The following POLR3E variants were observed in gnomAD, a reference collection of about 807,000 sequenced individuals.
POLR3E encodes the protein DNA-directed RNA polymerase III subunit RPC5.
In POLR3E, 41 loss-of-function variants were observed where a neutral mutation model predicts 96.6. The observed-to-expected ratio is 0.42, with a 90% confidence interval of 0.33 to 0.55. The LOEUF is 0.55. Ranked by LOEUF, POLR3E falls within the 20% of genes least tolerant of loss-of-function variation. The pLI is 0.06. For synonymous variants in POLR3E, 396 were observed against 383.6 expected (o/e 1.03, Z -0.38); for missense variants, 849 against 952.1 (o/e 0.89, Z 1.43).
At position 22,324,511 on chromosome 16, in the gene POLR3E, C is replaced by A. The variant is rs763052521; in HGVS notation, c.1137C>A (p.Ala379=). Residue 379 remains alanine (A), a synonymous_variant, in exon 16 of 21, where the codon GCC becomes GCA. Coordinates refer to ENST00000299853, the MANE Select transcript of POLR3E (RefSeq NM_018119.4). The part of the protein sequence containing the change: ...KEVATVTKLC[A]EDVKDFLEHM... ...GGCCCCCTCCCCTCCAGCTCTGCGC[C>A]GAGGATGTGAAGGACTTCCTGGAGC... is the stretch of plus-strand genomic sequence containing the variant. 2 of 1,611,660 alleles carry A rather than the reference C, an allele frequency of 1.2e-6. No homozygotes were observed. Among genetic ancestry groups the A allele is most frequent in the Middle Eastern group, 1.7e-4 (1 of 6,058 alleles).
chr16:22,321,577 G>C (rs1043997444), intron 13 of POLR3E, among the ~76,000 whole-genome samples: 1 of 152,222 alleles, frequency 6.6e-6, no homozygotes, highest in Non-Finnish European at 1.5e-5. Context: ...AGCCAAGAGG[G>C]GTCCTCCCGT....
intron 6 of POLR3E, among the ~76,000 whole-genome samples, chr16:22,312,932 A>G (rs2048278745): frequency 6.6e-6 from 1 of 152,072 alleles, no homozygotes; most frequent in African/African-American, 2.4e-5. Flanking sequence ...CTCAAAAGCA[A>G]TGAACGAAAC....
intron 13 of POLR3E, among the ~76,000 whole-genome samples, chr16:22,321,841 C>A (rs1256547398): frequency 6.6e-6 from 1 of 152,204 alleles, no homozygotes; most frequent in Non-Finnish European, 1.5e-5. Context: ...TGCTGCTGCC[C>A]ATGCTGCCAT....
intron 6 of POLR3E, among the ~76,000 whole-genome samples, chr16:22,311,000 C>G (rs1010449741): frequency 2.0e-5 from 3 of 152,208 alleles, no homozygotes; most frequent in Admixed American, 2.0e-4. Context: ...GAGTCTCACT[C>G]TGTTGCCCAA....
chr16:22,299,092 G>A (rs1162296796), intron 1 of POLR3E: 1 of 455,248 alleles, frequency 2.2e-6, no homozygotes, highest in African/African-American at 2.0e-5. Flanking sequence ...ATGTGGTAGG[G>A]CCTGGGAGGA....
At chr16:22,308,018 T>C in intron 3 of POLR3E, 130 bp from the exon 4 acceptor site, 1 of 680,426 alleles carries the variant, frequency 1.5e-6, no homozygotes, top group Non-Finnish European at 2.7e-6. Flanking sequence ...GGGCAGCTTG[T>C]ACCCTTGTGG....
intron 14 of POLR3E, among the ~76,000 whole-genome samples, chr16:22,323,662 T>A (rs902648588): frequency 1.3e-5 from 2 of 152,086 alleles, no homozygotes; most frequent in Non-Finnish European, 2.9e-5. Context: ...CCGAGCAGCA[T>A]CTTTGCTCCT....
At chr16:22,305,763 G>T (rs1567309522) in intron 3 of POLR3E, among the ~76,000 whole-genome samples, 1 of 152,322 alleles carries the variant, frequency 6.6e-6, no homozygotes, top group East Asian at 1.9e-4. Flanking sequence ...CCTTGCTGCT[G>T]GGCCAGCAGC....
rs2048414927 is a variant in POLR3E, at chr16:22,318,938, G to T, written c.978G>T (p.Val326=). ...KVAMLVQGNW[V]VKSDILYPKD... Reference sequence around the variant, plus strand: ...CGATGTTGGTCCAAGGGAACTGGGTGGTGAAGAGGTAAGTTGCTTTTTTTA... The same window carrying T: ...CGATGTTGGTCCAAGGGAACTGGGTTGTGAAGAGGTAAGTTGCTTTTTTTA... Residue 326 remains valine, a synonymous_variant, in exon 13 of 21, where the codon GTG becomes GTT. Transcript: ENST00000299853. The surrounding 1 kb of genome is among the most constrained non-coding windows in gnomAD (Gnocchi z 5.0). The T allele has an allele frequency of 6.2e-7, 1 of 1,604,754 alleles. No homozygotes were observed. The highest frequency in any genetic ancestry group is 1.3e-5 in the African/African-American group (1 of 74,226).
intron 6 of POLR3E, 30 bp downstream of exon 6, chr16:22,309,540 G>C (rs1567312949): frequency 3.5e-6 from 5 of 1,445,350 alleles, no homozygotes; most frequent in Middle Eastern, 1.8e-4. Flanking sequence ...CCGCGGTGGG[G>C]ACATGGCATT....
chr16:22,333,674 T>G lies in POLR3E; in HGVS notation c.2101T>G (p.Tyr701Asp). The G allele has an allele frequency of 6.2e-7, 1 of 1,611,510 alleles. No individual in the cohort carries two copies. Among genetic ancestry groups the G allele is most frequent in the Non-Finnish European group, 8.5e-7 (1 of 1,177,576 alleles). ...DCCVSYGGMW[Y>D]LKGTVQS is the part of the protein sequence containing the mutation. Reference sequence around the variant, plus strand: ...CTGTGTAAGCTATGGTGGCATGTGGTACCTTAAAGGGACAGTACAGTCTTG... The same window carrying G: ...CTGTGTAAGCTATGGTGGCATGTGGGACCTTAAAGGGACAGTACAGTCTTG... Residue 701 changes from tyrosine (Y) to aspartate (D), a missense_variant, in exon 21 of 21, where the codon TAC becomes GAC. By Grantham distance (160) the Tyr-to-Asp change is radical. Transcript: ENST00000299853.
In POLR3E at chr16:22,334,767, C is replaced by T. The variant is rs1028577044; in HGVS notation, c.*1067C>T. The T allele has an allele frequency of 1.3e-5, 2 of 152,136 alleles. No homozygotes were observed. The highest frequency in any genetic ancestry group is 2.9e-5 in the Non-Finnish European group (2 of 68,026). The allele number at this position is 152,136 out of a possible 1,614,324, so 9.4% of individuals were successfully genotyped here. ...CGATGCCACATGGGGCTATTTGCGA[C>T]AGTATTGGATAGCACAGCCCTAGAA... On this transcript the variant is annotated 3_prime_UTR_variant, in exon 21 of 21. Transcript: ENST00000299853.
At chr16:22,311,341 C>T (rs1039335001) in intron 6 of POLR3E, among the ~76,000 whole-genome samples, 5 of 145,368 alleles carry the variant, frequency 3.4e-5, no homozygotes, top group African/African-American at 1.3e-4. Context: ...TCTACAGTAG[C>T]GTGTAGTAAT....
chr16:22,298,465 C>G (rs2047944326), intron 1 of POLR3E, among the ~76,000 whole-genome samples: 1 of 152,154 alleles, frequency 6.6e-6, no homozygotes, highest in Non-Finnish European at 1.5e-5. Flanking sequence ...GTCTGGAGGT[C>G]GGTACTTAGT....
In POLR3E at chr16:22,313,875, G is replaced by C; in HGVS notation, c.472+148G>C. 1 of 701,548 alleles carries C rather than the reference G, an allele frequency of 1.4e-6. No individual in the cohort carries two copies. The highest frequency in any genetic ancestry group is 1.7e-5 in the South Asian group (1 of 57,914). The allele number at this position is 701,548 out of a possible 1,614,324, so 43.5% of individuals were successfully genotyped here. A position where few individuals can be genotyped will look rare whatever the true frequency, so the allele number is the denominator to read the frequency against. ...TGCCAGAAGCACCCACCCCACAGTC[G>C]TGACAATCAAAAAGGTCACATTGCC... On this transcript the variant is annotated intron_variant, in intron 7 of 20. Coordinates refer to ENST00000299853, the MANE Select transcript of POLR3E (RefSeq NM_018119.4). This position sits in a 1 kb window ranked among gnomAD's most constrained non-coding sequence, Gnocchi z 4.1.
chr16:22,308,033 G>A lies in POLR3E; in HGVS notation c.88-115G>A, dbSNP rs954393760. 110 of 737,486 alleles carry A rather than the reference G, an allele frequency of 1.5e-4. No homozygotes were observed. In the Middle Eastern group the frequency reaches 2.8e-3, roughly 19 times the overall value. 45.7% of individuals were successfully genotyped at this position (737,486 alleles called of 1,614,324 possible). A position where few individuals can be genotyped will look rare whatever the true frequency, so the allele number is the denominator to read the frequency against. On this transcript the variant is annotated intron_variant, in intron 3 of 20. Transcript: ENST00000299853. ...GGGCAGCTTGTACCCTTGTGGTAGG[G>A]TAAGGCCAGTCTCTGCTTGGGGTGG... is the stretch of plus-strand genomic sequence containing the variant.
intron 1 of POLR3E, among the ~76,000 whole-genome samples, chr16:22,299,780 A>C (rs1020363450): frequency 6.6e-6 from 1 of 152,038 alleles, no homozygotes; most frequent in Non-Finnish European, 1.5e-5. Context: ...TGGTGTGATC[A>C]TAGCTCACTG....
chr16:22,315,228 G>T lies in POLR3E; in HGVS notation c.642+20G>T, dbSNP rs1312712419. 2 of 1,568,664 alleles carry T rather than the reference G, an allele frequency of 1.3e-6. No individual in the cohort carries two copies. The highest frequency in any genetic ancestry group is 2.3e-5 in the South Asian group (2 of 85,844). On this transcript the variant is annotated intron_variant, in intron 9 of 20. Transcript: ENST00000299853. ...CTGAGGGTGAGCGGGGCTTCGTGGG[G>T]TCCTGGGGGAAACACCTCGGTGCCC...
chr16:22,300,074 C>A (rs781401933), intron 1 of POLR3E, among the ~76,000 whole-genome samples: 10 of 152,066 alleles, frequency 6.6e-5, no homozygotes, highest in Non-Finnish European at 1.2e-4. Context: ...GTATAAGGAG[C>A]CGTAGGGAGA....
Sources: gnomAD v4.1 joint callset for allele counts (sites outside exome capture counted in the v4.1 genomes callset) on GRCh38, gnomAD v4.1.1 for gene constraint, Gnocchi (gnomAD v3.1) non-coding constraint, MANE v1.5 for transcripts, NCBI Gene and HGNC (gene_info 2026-07-23, HGNC 2026-07-21) for gene names.